Variants in PECR observed in about 807,000 individuals in gnomAD.
PECR encodes the protein peroxisomal trans-2-enoyl-CoA reductase, also known as 2,4-dienoyl-CoA reductase-related protein.
A neutral mutation model predicts 35.3 loss-of-function variants in PECR; 30 were observed. The ratio of observed to expected loss-of-function variants is 0.85; its 90% confidence interval spans 0.64 to 1.15. PECR has a LOEUF of 1.15. Among genes scored for constraint, PECR ranks in the 50% most tolerant of loss-of-function variants. The pLI, the probability that PECR is intolerant of heterozygous loss-of-function variation, is 0.00. For synonymous variants in PECR, 148 were observed against 138.9 expected (o/e 1.07, Z -0.46); for missense variants, 392 against 370.8 (o/e 1.06, Z -0.47).
chr2:216,076,932 G>A (rs1241816267), intron 1 of PECR, among the ~76,000 whole-genome samples: 7 of 138,326 alleles, frequency 5.1e-5, no homozygotes, highest in Non-Finnish European at 6.1e-5. Context: ...ATGGAGTTTC[G>A]CTCTTGTTGC....
In PECR at chr2:216,054,851, G is replaced by A. The variant is rs549915790; in HGVS notation, c.507-3306C>T. Among the ~76,000 whole-genome samples, 16 of 151,476 alleles carry A rather than the reference G, an allele frequency of 1.1e-4. 1 individual carries two copies. In the South Asian group the frequency reaches 2.3e-3, roughly 22 times the overall value. On this transcript the variant is annotated intron_variant, in intron 4 of 7. Coordinates refer to ENST00000265322, the MANE Select transcript of PECR (RefSeq NM_018441.6). ...ATGTAGGCCAGGCGTGGTGGCTCACGCCTGTAATCCCAGCACTCTGGGAGG... is the reference window on the plus strand; with the variant it reads ...ATGTAGGCCAGGCGTGGTGGCTCACACCTGTAATCCCAGCACTCTGGGAGG...
intron 1 of PECR, among the ~76,000 whole-genome samples, chr2:216,071,914 T>C (rs547531858): frequency 2.6e-5 from 4 of 152,332 alleles, no homozygotes; most frequent in African/African-American, 7.2e-5. Flanking sequence ...CATGAAATAA[T>C]TGTACTTTTT....
chr2:216,031,085 C>A (rs1320005481), intron 7 of PECR, among the ~76,000 whole-genome samples: 1 of 151,990 alleles, frequency 6.6e-6, no homozygotes, highest in Non-Finnish European at 1.5e-5. Context: ...TTTCATTCCT[C>A]CAAGTAAAAT....
Position 216,049,357 on chromosome 2 carries a change from TG to T in PECR, c.619del (p.Gln207ArgfsTer87). 1.3e-6 allele frequency: 2 copies of T among 1,522,808 alleles called. No individual in the cohort carries two copies. The highest frequency in any genetic ancestry group is 1.8e-6 in the Non-Finnish European group (2 of 1,096,716). The allele number at this position is 1,522,808 out of a possible 1,614,324, so 94.3% of individuals were successfully genotyped here. On this transcript the variant is annotated frameshift_variant, in exon 6 of 8. Transcript: ENST00000265322. LOFTEE classifies it high-confidence loss of function. ...NCVAPGVIYS[Q>X]TAVENYGSWG... ...GGAACCATAGTTCTCCACAGCAGTC[TG>T]GGAATAAATAACTCCCTGTGTTTAA...
downstream of PECR, among the ~76,000 whole-genome samples, chr2:216,036,100 C>A (rs1353942176): frequency 6.6e-6 from 1 of 152,228 alleles, no homozygotes; most frequent in Non-Finnish European, 1.5e-5. Context: ...TGGGGCATAG[C>A]ATCCAATCAG....
Position 216,081,706 on chromosome 2 carries a change from C to T in PECR, c.36G>A (p.Ala12=). The T allele has an allele frequency of 6.2e-7, 1 of 1,613,572 alleles. No homozygotes were observed. The change falls in exon 1 of 8, where the codon GCG becomes GCA. Residue 12 remains alanine, a synonymous_variant. Coordinates refer to ENST00000265322, the MANE Select transcript of PECR (RefSeq NM_018441.6). Reference sequence around the variant, plus strand: ...CCACTTGGCCCTGCAGCAAACCAGGCGCCAGGTAGCTCCTGCCCTTAGCCC... The same window carrying T: ...CCACTTGGCCCTGCAGCAAACCAGGTGCCAGGTAGCTCCTGCCCTTAGCCC... ...ASWAKGRSYL[A]PGLLQGQVAI... is the part of the protein sequence containing the mutation.
chr2:216,045,868 C>T (rs1694978273), intron 6 of PECR, among the ~76,000 whole-genome samples: 2 of 152,208 alleles, frequency 1.3e-5, no homozygotes, highest in Admixed American at 1.3e-4. Context: ...AATCTGTAAA[C>T]CACACTCCCT....
At chr2:216,067,448 A>C (rs999137327) in intron 1 of PECR, among the ~76,000 whole-genome samples, 3 of 152,274 alleles carry the variant, frequency 2.0e-5, no homozygotes, top group African/African-American at 7.2e-5. Context: ...GGCAAAATTC[A>C]CCATAGACTA....
chr2:216,081,500 C>T, intron 1 of PECR, 118 bp downstream of exon 1: 1 of 1,291,506 alleles, frequency 7.7e-7, no homozygotes, highest in Non-Finnish European at 1.1e-6. Flanking sequence ...CACACCTGCC[C>T]CGTCTTTGCT....
chr2:216,050,193 G>A (rs553924953), intron 5 of PECR, among the ~76,000 whole-genome samples: 2 of 152,208 alleles, frequency 1.3e-5, no homozygotes, highest in East Asian at 3.9e-4. Context: ...CCGCACTTCA[G>A]CCTAGGCAAC....
intron 6 of PECR, among the ~76,000 whole-genome samples, chr2:216,046,312 T>A (rs12995226): frequency 0.06 from 4,282 of 71,212 alleles, 89 homozygotes; most frequent in African/African-American, 0.16. Flanking sequence ...ATATATATAT[T>A]TTTTTTTTTT....
intron 1 of PECR, among the ~76,000 whole-genome samples, chr2:216,079,519 C>T (rs1695785160): frequency 6.6e-6 from 1 of 151,658 alleles, no homozygotes; most frequent in East Asian, 2.0e-4. Context: ...AGGCACACGC[C>T]ACCATGCCTG....
downstream of PECR, among the ~76,000 whole-genome samples, chr2:216,037,750 C>A (rs933059031): frequency 6.6e-6 from 1 of 152,038 alleles, no homozygotes; most frequent in African/African-American, 2.4e-5. Context: ...GATTCTGGGT[C>A]CCAAACCCCA....
chr2:216,030,927 T>TTCTCTC (rs113417580), intron 7 of PECR, among the ~76,000 whole-genome samples: 4 of 130,870 alleles, frequency 3.1e-5, no homozygotes, highest in Non-Finnish European at 6.4e-5. Flanking sequence ...ATGAGGCCCA[T>TTCTCTC]TCTCTCTCTC....
intron 1 of PECR, among the ~76,000 whole-genome samples, chr2:216,076,072 C>T (rs963831275): frequency 9.9e-5 from 15 of 152,178 alleles, no homozygotes; most frequent in African/African-American, 3.1e-4. Flanking sequence ...CAATATCCTG[C>T]TTTTGTGAGC....
At chr2:216,054,850 C>T (rs541376272) in intron 4 of PECR, among the ~76,000 whole-genome samples, 3 of 152,108 alleles carry the variant, frequency 2.0e-5, no homozygotes, top group South Asian at 2.1e-4. Context: ...TGGTGGCTCA[C>T]GCCTGTAATC....
intron 6 of PECR, among the ~76,000 whole-genome samples, chr2:216,047,499 T>C (rs1695019113): frequency 6.6e-6 from 1 of 152,212 alleles, no homozygotes; most frequent in Admixed American, 6.5e-5. Context: ...AACACTTTGC[T>C]GAGTGTTTTA....
At chr2:216,041,532 A>G (rs1176082378) in intron 7 of PECR, among the ~76,000 whole-genome samples, 1 of 152,250 alleles carries the variant, frequency 6.6e-6, no homozygotes, top group Non-Finnish European at 1.5e-5. Flanking sequence ...TGTGAAACAT[A>G]TATTTGGTCT....
At chr2:216,077,190 G>A (rs1025024968) in intron 1 of PECR, among the ~76,000 whole-genome samples, 1 of 149,762 alleles carries the variant, frequency 6.7e-6, no homozygotes, top group Admixed American at 6.7e-5. Context: ...GAGCCACCGC[G>A]CCTGGCCCAA....
Sources: allele counts gnomAD v4.1 joint callset (sites outside exome capture counted in the v4.1 genomes callset), GRCh38; gene constraint gnomAD v4.1.1; transcripts MANE v1.5; gene names NCBI Gene and HGNC (gene_info 2026-07-23, HGNC 2026-07-21).